PTPRG: variants seen among roughly 807,000 people sequenced by gnomAD.
PTPRG encodes the protein receptor-type tyrosine-protein phosphatase gamma.
In PTPRG, 102 loss-of-function variants were observed where a neutral mutation model predicts 165.3. That is an observed-to-expected ratio of 0.62 (90% CI 0.53 to 0.73). The LOEUF is 0.73. Among genes scored for constraint, PTPRG ranks in the 30% least tolerant of loss-of-function variants. PTPRG has a pLI of 0.00. For missense variants in PTPRG, 1,866 were observed against 1,861.4 expected (o/e 1.00, Z -0.05); for synonymous variants, 675 against 669.5 (o/e 1.01, Z -0.13).
intron 1 of PTPRG, among the ~76,000 whole-genome samples, chr3:61,674,171 G>A (rs1046594690): frequency 3.7e-5 from 5 of 135,804 alleles, no homozygotes; most frequent in Non-Finnish European, 7.6e-5. Flanking sequence ...CCCAGAACAA[G>A]TATAATAATA....
rs553535696 is a variant in PTPRG, at chr3:62,228,350, G to A, written c.2289-2875G>A. 5.3e-5 allele frequency among the ~76,000 whole-genome samples: 8 copies of A among 151,896 alleles called. No individual in the cohort carries two copies. In the East Asian group the frequency reaches 5.8e-4, roughly 11 times the overall value. ...AGCCTGGCCAAAATGGTGAAACCCC[G>A]TCTACTAAAAATACAAAAACAATTA... On this transcript the variant is annotated intron_variant, in intron 13 of 29. Transcript: ENST00000474889. The surrounding 1 kb of genome is among the most constrained non-coding windows in gnomAD (Gnocchi z 4.1).
intron 4 of PTPRG, among the ~76,000 whole-genome samples, chr3:62,064,721 A>ATTT (rs35605831): frequency 4.8e-4 from 30 of 62,930 alleles, no homozygotes; most frequent in African/African-American, 1.4e-3. Flanking sequence ...GGTTATTTGG[A>ATTT]TTTTTTTTTT....
rs1701510790 is a variant in PTPRG at position 62,255,198 on chromosome 3, T to A, written c.2542T>A (p.Phe848Ile). The change falls in exon 16 of 30, where the codon TTC (phenylalanine) becomes ATC (isoleucine). Residue 848 changes from phenylalanine to isoleucine, a missense_variant. Physicochemically the swap from Phe to Ile is conservative, Grantham distance 21 (BLOSUM62 0). Coordinates refer to ENST00000474889, the MANE Select transcript of PTPRG (RefSeq NM_002841.4). This position sits in a 1 kb window ranked among gnomAD's most constrained non-coding sequence, Gnocchi z 4.0. ...GCTCTATTCTAATAACCAGCATGGGTTCTCTGAGGATTTTGAGGTATGTTT... is the reference window on the plus strand; with the variant it reads ...GCTCTATTCTAATAACCAGCATGGGATCTCTGAGGATTTTGAGGTATGTTT... ...GELYSNNQHG[F>I]SEDFEEVQRC... The A allele has an allele frequency of 6.2e-7, 1 of 1,612,278 alleles. No individual in the cohort carries two copies. The highest frequency in any genetic ancestry group is 1.7e-5 in the Admixed American group (1 of 59,714).
intron 3 of PTPRG, among the ~76,000 whole-genome samples, chr3:61,996,039 G>A (rs957718958): frequency 1.5e-4 from 23 of 152,038 alleles, no homozygotes; most frequent in Non-Finnish European, 1.5e-5. Flanking sequence ...CTTGCTCCTA[G>A]CATTGGCCCC....
At chr3:62,154,876 G>T (rs933441238) in intron 6 of PTPRG, among the ~76,000 whole-genome samples, 10 of 152,148 alleles carry the variant, frequency 6.6e-5, no homozygotes, top group African/African-American at 2.2e-4. Context: ...TTTGCAGTTG[G>T]TGGTGCCAAG....
At position 62,219,566 on chromosome 3, in the gene PTPRG, A is replaced by T. The variant is rs1266550430; in HGVS notation, c.2288+583A>T. Reference sequence around the variant, plus strand: ...AGCCAGGTTGCAGCCTCTGTTTAGAAGTTGTGTTTTTTCAGCCGGACCGTC... The same window carrying T: ...AGCCAGGTTGCAGCCTCTGTTTAGATGTTGTGTTTTTTCAGCCGGACCGTC... On this transcript the variant is annotated intron_variant, in intron 13 of 29. Transcript: ENST00000474889. This position sits in a 1 kb window ranked among gnomAD's most constrained non-coding sequence, Gnocchi z 4.5. Among the ~76,000 whole-genome samples the T allele has an allele frequency of 6.6e-6, 1 of 152,178 alleles. No individual in the cohort carries two copies. The highest frequency in any genetic ancestry group is 2.4e-5 in the African/African-American group (1 of 41,442).
intron 2 of PTPRG, among the ~76,000 whole-genome samples, chr3:61,903,136 C>G (rs887610735): frequency 1.3e-5 from 2 of 152,182 alleles, no homozygotes; most frequent in African/African-American, 2.4e-5. Context: ...TCTCCCCTCT[C>G]CCTTTATCTG....
chr3:61,568,207 G>A (rs941569370), intron 1 of PTPRG, among the ~76,000 whole-genome samples: 4 of 152,126 alleles, frequency 2.6e-5, no homozygotes, highest in Non-Finnish European at 4.4e-5. Context: ...CTGTATTTAC[G>A]TCTCCTTGCT....
chr3:62,292,794 G>A (rs1702946603), intron 29 of PTPRG: 6 of 502,900 alleles, frequency 1.2e-5, no homozygotes, highest in Non-Finnish European at 2.1e-5. Context: ...AGAATTATGT[G>A]GCCCAAAATG....
At chr3:62,151,241 C>T (rs923607387) in intron 6 of PTPRG, among the ~76,000 whole-genome samples, 3 of 152,186 alleles carry the variant, frequency 2.0e-5, no homozygotes, top group African/African-American at 7.2e-5. Flanking sequence ...TTGACCATGA[C>T]TTGAAAGCCC....
intron 5 of PTPRG, among the ~76,000 whole-genome samples, chr3:62,094,710 G>T (rs115118509): frequency 1.3e-5 from 2 of 152,188 alleles, no homozygotes; most frequent in African/African-American, 4.8e-5. Flanking sequence ...CCCCACTGAG[G>T]CTATCCAGGG....
At chr3:62,012,094 G>A (rs2041437049) in intron 4 of PTPRG, among the ~76,000 whole-genome samples, 1 of 152,186 alleles carries the variant, frequency 6.6e-6, no homozygotes, top group Non-Finnish European at 1.5e-5. Flanking sequence ...AGTGGTAATA[G>A]TGATGATATT....
rs577353453 is a variant in PTPRG, at chr3:61,955,438, A to C, written c.191-34187A>C. ...AATAATATTTGTAACCTGCAATGCT[A>C]TGCTATCTCATTTTGGACTTAGCGA... On this transcript the variant is annotated intron_variant, in intron 2 of 29. Coordinates refer to ENST00000474889, the MANE Select transcript of PTPRG (RefSeq NM_002841.4). Among the ~76,000 whole-genome samples, 13 of 152,354 alleles carry C rather than the reference A, an allele frequency of 8.5e-5. No homozygotes were observed. In the South Asian group the frequency reaches 2.5e-3, roughly 29 times the overall value.
rs77929283 is a variant in PTPRG at position 61,953,910 on chromosome 3, C to T, written c.191-35715C>T. ...CTCTCTTCAGATGCTTTGACCTGTT[C>T]CTATAGTGACTTTGTCACATGATTC... On this transcript the variant is annotated intron_variant, in intron 2 of 29. Transcript: ENST00000474889. Among the ~76,000 whole-genome samples, 73 of 152,246 alleles carry T rather than the reference C, an allele frequency of 4.8e-4. 2 individuals carry two copies. The East Asian group carries it at 0.014, about 28-fold the overall frequency.
intron 4 of PTPRG, among the ~76,000 whole-genome samples, chr3:62,030,887 A>G (rs1300435855): frequency 6.6e-6 from 1 of 152,208 alleles, no homozygotes; most frequent in African/African-American, 2.4e-5. Context: ...CTGCCTGGGT[A>G]AATCTAAAGC....
chr3:62,261,397 T>G (rs568888437), intron 16 of PTPRG, among the ~76,000 whole-genome samples: 1 of 152,358 alleles, frequency 6.6e-6, no homozygotes, highest in South Asian at 2.1e-4. Context: ...GACTGATTTG[T>G]GATCACACTT....
intron 1 of PTPRG, among the ~76,000 whole-genome samples, chr3:61,567,665 C>CAAAAAAA (rs35299199): frequency 2.6e-3 from 285 of 111,430 alleles, no homozygotes; most frequent in Middle Eastern, 0.012. Context: ...GACCCTGTCT[C>CAAAAAAA]AAAAAAAAAA....
chr3:61,723,580 TA>T (rs989095076), intron 1 of PTPRG, among the ~76,000 whole-genome samples: 2 of 152,182 alleles, frequency 1.3e-5, no homozygotes, highest in African/African-American at 4.8e-5. Flanking sequence ...TATATATTAT[TA>T]AAAATACCAT....
chr3:62,115,705 T>C (rs1412020380), intron 5 of PTPRG, among the ~76,000 whole-genome samples: 1 of 151,872 alleles, frequency 6.6e-6, no homozygotes, highest in African/African-American at 2.4e-5. Context: ...TGGGACTAAT[T>C]TTTGTATTTT....
Sources: allele counts gnomAD v4.1 joint callset (sites outside exome capture counted in the v4.1 genomes callset), GRCh38; gene constraint gnomAD v4.1.1; non-coding constraint Gnocchi (gnomAD v3.1); transcripts MANE v1.5; gene names NCBI Gene and HGNC (gene_info 2026-07-23, HGNC 2026-07-21).